LRRC4C: variants seen among roughly 807,000 people sequenced by gnomAD.
The protein encoded by LRRC4C is leucine-rich repeat-containing protein 4C.
LRRC4C carries 5 observed loss-of-function variants against 33.6 expected under a neutral mutation model. The ratio of observed to expected loss-of-function variants is 0.15; its 90% confidence interval spans 0.08 to 0.31. The LOEUF (loss-of-function observed/expected upper bound fraction) is 0.31, where lower values mean the gene tolerates loss of function less well. LRRC4C is among the 10% of genes least tolerant of loss of function. The probability of loss-of-function intolerance (pLI) is 1.00; values close to 1 mark genes in which losing one functional copy is unlikely to be tolerated. For missense variants in LRRC4C, 560 were observed against 796.7 expected (o/e 0.70, Z 3.58); for synonymous variants, 329 against 302.0 (o/e 1.09, Z -0.93).
chr11:41,307,777 C>T lies in LRRC4C; in HGVS notation c.-496+151654G>A, dbSNP rs189922078. ...TTCTTCAGAATGGAAATGTCTTCCC[C>T]GCCTCCCTTCTTCCCTTTATTTAAA... On this transcript the variant is annotated intron_variant, in intron 1 of 6. Transcript: ENST00000528697. 9.2e-5 allele frequency among the ~76,000 whole-genome samples: 14 copies of T among 152,230 alleles called. 1 individual carries two copies. Among genetic ancestry groups the T allele is most frequent in the South Asian group, 4.2e-4 (2 of 4,812 alleles).
At chr11:40,335,371 C>T (rs1946551229) in intron 3 of LRRC4C, among the ~76,000 whole-genome samples, 2 of 152,186 alleles carry the variant, frequency 1.3e-5, no homozygotes, top group African/African-American at 4.8e-5. Context: ...CACCTAAGTC[C>T]TCTCTTATTG....
At chr11:40,479,022 C>T (rs1463579094) in intron 3 of LRRC4C, among the ~76,000 whole-genome samples, 1 of 152,016 alleles carries the variant, frequency 6.6e-6, no homozygotes, top group African/African-American at 2.4e-5. Flanking sequence ...ACTCTGAAAT[C>T]CATATTTGTT....
At chr11:40,472,666 C>T (rs1386645755) in intron 3 of LRRC4C, among the ~76,000 whole-genome samples, 1 of 151,714 alleles carries the variant, frequency 6.6e-6, no homozygotes, top group African/African-American at 2.4e-5. Flanking sequence ...ATCAATGAAT[C>T]CAGGAGCTGG....
chr11:41,395,996 G>A (rs117629372), intron 1 of LRRC4C, among the ~76,000 whole-genome samples: 8,118 of 152,050 alleles, frequency 0.053, 283 homozygotes, highest in Middle Eastern at 0.11. Context: ...CTTTGAATGC[G>A]GCCCAACACA....
chr11:40,275,616 C>T (rs1943047347), intron 4 of LRRC4C, among the ~76,000 whole-genome samples: 1 of 152,112 alleles, frequency 6.6e-6, no homozygotes, highest in African/African-American at 2.4e-5. Context: ...TCATAGGAAA[C>T]TCAGCAAAAG....
intron 1 of LRRC4C, among the ~76,000 whole-genome samples, chr11:41,142,081 A>G (rs746337946): frequency 1.3e-5 from 2 of 152,178 alleles, no homozygotes; most frequent in African/African-American, 2.4e-5. Context: ...ATTTTTTATT[A>G]CAATTACAAA....
At position 41,313,648 on chromosome 11, in the gene LRRC4C, A is replaced by G. The variant is rs538533129; in HGVS notation, c.-496+145783T>C. 3.3e-5 allele frequency among the ~76,000 whole-genome samples: 5 copies of G among 152,338 alleles called. No individual in the cohort carries two copies. In the East Asian group the frequency reaches 9.7e-4, roughly 29 times the overall value. Reference sequence around the variant, plus strand: ...TGATTGTTAAAGGGTCTATACTCGGACCTATTAATATTACCATTAATTTTA... The same window carrying G: ...TGATTGTTAAAGGGTCTATACTCGGGCCTATTAATATTACCATTAATTTTA... On this transcript the variant is annotated intron_variant, in intron 1 of 6. Transcript: ENST00000528697.
chr11:40,565,456 C>T (rs1177472564), intron 3 of LRRC4C, among the ~76,000 whole-genome samples: 1 of 152,196 alleles, frequency 6.6e-6, no homozygotes, highest in African/African-American at 2.4e-5. Flanking sequence ...TTGAAGAAGG[C>T]AGTAGAGCTA....
At position 41,146,880 on chromosome 11, in the gene LRRC4C, G is replaced by A. The variant is rs1253061958; in HGVS notation, c.-495-213157C>T. Among the ~76,000 whole-genome samples, 3 of 152,200 alleles carry A rather than the reference G, an allele frequency of 2.0e-5. No individual in the cohort carries two copies. The East Asian group carries it at 5.8e-4, about 29-fold the overall frequency. On this transcript the variant is annotated intron_variant, in intron 1 of 6. Coordinates refer to ENST00000528697, the MANE Select transcript of LRRC4C (RefSeq NM_001258419.2). ...ATTCCAAAAGACAACTCCACTGAATGTATGAAAATTCCTATGAAAACTTAA... is the reference window on the plus strand; with the variant it reads ...ATTCCAAAAGACAACTCCACTGAATATATGAAAATTCCTATGAAAACTTAA...
intron 3 of LRRC4C, among the ~76,000 whole-genome samples, chr11:40,478,102 T>G (rs1953340158): frequency 6.6e-6 from 1 of 152,268 alleles, no homozygotes; most frequent in Admixed American, 6.5e-5. Context: ...GAACTGTAAG[T>G]CCATTAAGTC....
At chr11:40,137,989 A>G (rs770505815) in intron 6 of LRRC4C, among the ~76,000 whole-genome samples, 38 of 152,184 alleles carry the variant, frequency 2.5e-4, no homozygotes, top group Non-Finnish European at 4.7e-4. Flanking sequence ...TAACTTACAT[A>G]CGCAGTTTTA....
intron 1 of LRRC4C, among the ~76,000 whole-genome samples, chr11:41,390,015 A>C (rs10837639): frequency 0.39 from 59,245 of 151,742 alleles, 11,888 homozygotes; most frequent in South Asian, 0.48. Flanking sequence ...ATAATGAGGA[A>C]ATTTTCTCTT....
intron 1 of LRRC4C, among the ~76,000 whole-genome samples, chr11:41,442,692 A>G (rs2138549499): frequency 6.6e-6 from 1 of 151,818 alleles, no homozygotes; most frequent in Non-Finnish European, 1.5e-5. Flanking sequence ...GATGGTCTCG[A>G]TCTCCTGACC....
intron 3 of LRRC4C, among the ~76,000 whole-genome samples, chr11:40,392,900 T>C (rs948081909): frequency 4.6e-5 from 7 of 152,166 alleles, no homozygotes; most frequent in Non-Finnish European, 8.8e-5. Context: ...TGAATATTTC[T>C]TGGTGGGATA....
At chr11:41,401,290 C>T (rs546540566) in intron 1 of LRRC4C, among the ~76,000 whole-genome samples, 51 of 151,978 alleles carry the variant, frequency 3.4e-4, no homozygotes, top group African/African-American at 1.2e-3. Flanking sequence ...ATTTCAAGTG[C>T]TCATTAGTCA....
intron 1 of LRRC4C, among the ~76,000 whole-genome samples, chr11:41,300,971 T>C (rs925663310): frequency 2.0e-5 from 3 of 152,218 alleles, no homozygotes; most frequent in Admixed American, 1.3e-4. Flanking sequence ...TCATCACTGA[T>C]AACAACTTAA....
chr11:40,660,545 G>A (rs1943379796), intron 2 of LRRC4C, among the ~76,000 whole-genome samples: 1 of 152,266 alleles, frequency 6.6e-6, no homozygotes, highest in African/African-American at 2.4e-5. Flanking sequence ...TCTAATGAGA[G>A]GCCAAATCCT....
At chr11:40,302,526 T>C (rs1944823449) in intron 4 of LRRC4C, among the ~76,000 whole-genome samples, 1 of 152,114 alleles carries the variant, frequency 6.6e-6, no homozygotes, top group Non-Finnish European at 1.5e-5. Flanking sequence ...CCCATCCTTC[T>C]TTTCTGTCTT....
chr11:40,808,119 A>G (rs988998661), intron 2 of LRRC4C, among the ~76,000 whole-genome samples: 36 of 152,176 alleles, frequency 2.4e-4, no homozygotes, highest in African/African-American at 8.2e-4. Context: ...AAACAATAAT[A>G]GATGATACAA....
Sources: allele counts gnomAD v4.1 joint callset (sites outside exome capture counted in the v4.1 genomes callset), GRCh38; gene constraint gnomAD v4.1.1; transcripts MANE v1.5; gene names NCBI Gene and HGNC (gene_info 2026-07-23, HGNC 2026-07-21).